The following CSMD1 variants were observed in gnomAD, a reference collection of about 807,000 sequenced individuals.
CSMD1 encodes CUB and Sushi multiple domains 1.
CSMD1 carries 213 observed loss-of-function variants against 417.5 expected under a neutral mutation model. That is an observed-to-expected ratio of 0.51 (90% CI 0.46 to 0.57). CSMD1 has a LOEUF of 0.57. CSMD1 is among the 20% of genes least tolerant of loss of function. CSMD1 has a pLI of 0.00. For synonymous variants in CSMD1, 2,862 were observed against 1,736.8 expected (o/e 1.65, Z -16.11); for missense variants, 6,923 against 4,529.7 (o/e 1.53, Z -15.17).
chr8:4,269,705 C>G (rs761014967), intron 3 of CSMD1, among the ~76,000 whole-genome samples: 7 of 152,126 alleles, frequency 4.6e-5, no homozygotes, highest in Non-Finnish European at 1.0e-4. Context: ...TATCAATTAA[C>G]CAGCATCTGT....
intron 54 of CSMD1, among the ~76,000 whole-genome samples, chr8:2,995,470 C>G (rs566372180): frequency 4.6e-5 from 7 of 152,164 alleles, no homozygotes; most frequent in Non-Finnish European, 1.0e-4. Flanking sequence ...TACCGCCATG[C>G]TGGAAAAATG....
intron 5 of CSMD1, among the ~76,000 whole-genome samples, chr8:3,909,283 C>G (rs1808301589): frequency 6.6e-6 from 1 of 152,118 alleles, no homozygotes; most frequent in African/African-American, 2.4e-5. Context: ...GGCACTTTCC[C>G]TCATTGAAGT....
intron 1 of CSMD1, among the ~76,000 whole-genome samples, chr8:4,925,318 G>A (rs1311762457): frequency 6.9e-6 from 1 of 145,874 alleles, no homozygotes; most frequent in South Asian, 2.2e-4. Context: ...ACAAGTAGGT[G>A]GTCTTTGACG....
At chr8:3,343,475 C>T (rs547988138) in intron 22 of CSMD1, 25 bp from the exon 23 acceptor site, 8 of 1,593,442 alleles carry the variant, frequency 5.0e-6, no homozygotes, top group Admixed American at 3.5e-5. Flanking sequence ...CAGCATGAGT[C>T]CCTCTATGCC....
At chr8:3,245,664 TC>T (rs1404995514) in intron 26 of CSMD1, among the ~76,000 whole-genome samples, 3 of 152,150 alleles carry the variant, frequency 2.0e-5, no homozygotes, top group Non-Finnish European at 4.4e-5. Flanking sequence ...CAAAACGGCC[TC>T]CTTTCATAAG....
chr8:3,964,324 T>C (rs2627480), intron 5 of CSMD1, among the ~76,000 whole-genome samples: 21,837 of 152,184 alleles, frequency 0.14, 1,702 homozygotes, highest in African/African-American at 0.2. Flanking sequence ...ATAAGTCTCA[T>C]TGTGTCACCG....
chr8:4,005,053 C>T (rs934822745), intron 4 of CSMD1, among the ~76,000 whole-genome samples: 2 of 152,138 alleles, frequency 1.3e-5, no homozygotes, highest in African/African-American at 2.4e-5. Context: ...AACCAAACAT[C>T]CTATGTTCTC....
intron 2 of CSMD1, among the ~76,000 whole-genome samples, chr8:4,566,358 T>C (rs986168198): frequency 3.3e-5 from 5 of 151,942 alleles, no homozygotes; most frequent in Admixed American, 1.3e-4. Flanking sequence ...AAATGGTTTA[T>C]AAGAAATTTA....
chr8:3,082,929 C>G (rs548076636), intron 49 of CSMD1, among the ~76,000 whole-genome samples: 1 of 152,056 alleles, frequency 6.6e-6, no homozygotes, highest in African/African-American at 2.4e-5. Context: ...TGAACATCTG[C>G]GGGAAAAATA....
intron 3 of CSMD1, among the ~76,000 whole-genome samples, chr8:4,272,143 T>A (rs1224255152): frequency 6.6e-6 from 1 of 152,162 alleles, no homozygotes; most frequent in South Asian, 2.1e-4. Flanking sequence ...ACATGGAGTC[T>A]TACTAGATTA....
chr8:4,116,453 C>T (rs1802153080), intron 3 of CSMD1, among the ~76,000 whole-genome samples: 1 of 131,078 alleles, frequency 7.6e-6, no homozygotes, highest in Non-Finnish European at 1.6e-5. Flanking sequence ...GTGCAGGTGC[C>T]TGAATGGAAC....
chr8:4,981,825 T>C (rs1453402339), intron 1 of CSMD1, among the ~76,000 whole-genome samples: 1 of 152,128 alleles, frequency 6.6e-6, no homozygotes. Flanking sequence ...TGTGATTATG[T>C]GTACAGGATT....
At chr8:3,140,065 G>A (rs2406581) in intron 41 of CSMD1, among the ~76,000 whole-genome samples, 7,564 of 151,838 alleles carry the variant, frequency 0.05, 627 homozygotes, top group African/African-American at 0.17. Context: ...ATCATGTGCC[G>A]GCTAATTTTG....
Position 3,369,247 on chromosome 8 carries a change from T to G in CSMD1, c.2899+7A>C. On this transcript the variant is annotated splice_region_variant and intron_variant, in intron 19 of 69. Coordinates refer to ENST00000635120, the MANE Select transcript of CSMD1 (RefSeq NM_033225.6). ...CTGTATGTTTGAGACCTATGATAGATTCTTACCTTTCCCATGAGACACTTC... is the reference window on the plus strand; with the variant it reads ...CTGTATGTTTGAGACCTATGATAGAGTCTTACCTTTCCCATGAGACACTTC... 7.2e-7 allele frequency: 1 copy of G among 1,388,154 alleles called. No individual in the cohort carries two copies. Among genetic ancestry groups the G allele is most frequent in the South Asian group, 1.2e-5 (1 of 84,740 alleles). 86.0% of individuals were successfully genotyped at this position (1,388,154 alleles called of 1,614,324 possible). A position where few individuals can be genotyped will look rare whatever the true frequency, so the allele number is the denominator to read the frequency against.
intron 7 of CSMD1, among the ~76,000 whole-genome samples, chr8:3,624,155 G>A (rs778625452): frequency 6.6e-6 from 1 of 152,012 alleles, no homozygotes; most frequent in African/African-American, 2.4e-5. Context: ...AAAATACACT[G>A]AGCATCCAAA....
intron 3 of CSMD1, among the ~76,000 whole-genome samples, chr8:4,069,536 C>A: frequency 6.6e-6 from 1 of 152,172 alleles, no homozygotes; most frequent in Non-Finnish European, 1.5e-5. Context: ...TTGTTCTTAC[C>A]ACCCTCCCTC....
Position 2,949,310 on chromosome 8 carries a change from A to G in CSMD1, c.10391T>C (p.Leu3464Pro). The part of the protein sequence containing the change: ...IHGKDFGKFK[L>P]ERQDPLNPDQ... ...TAAGTGCAACTTACCTTGCCTTTCTAGCTTAAATTTTCCAAAGTCTTTTCC... is the reference window on the plus strand; with the variant it reads ...TAAGTGCAACTTACCTTGCCTTTCTGGCTTAAATTTTCCAAAGTCTTTTCC... Residue 3464 changes from leucine to proline, a missense_variant, in exon 68 of 70, where the codon CTA becomes CCA. Transcript: ENST00000635120. The G allele has an allele frequency of 6.3e-7, 1 of 1,598,208 alleles. No homozygotes were observed. The highest frequency in any genetic ancestry group is 8.6e-7 in the Non-Finnish European group (1 of 1,167,640).
intron 1 of CSMD1, among the ~76,000 whole-genome samples, chr8:4,661,219 C>T (rs1804585627): frequency 6.6e-6 from 1 of 152,138 alleles, no homozygotes; most frequent in Non-Finnish European, 1.5e-5. Context: ...GCCCAGATGT[C>T]CTTTAATGAG....
chr8:3,929,873 G>A (rs948711780), intron 5 of CSMD1, among the ~76,000 whole-genome samples: 10 of 149,792 alleles, frequency 6.7e-5, no homozygotes, highest in Non-Finnish European at 8.9e-5. Context: ...TATTGGTCCC[G>A]CTCATCTCCA....
Sources: allele counts gnomAD v4.1 joint callset (sites outside exome capture counted in the v4.1 genomes callset), GRCh38; gene constraint gnomAD v4.1.1; transcripts MANE v1.5; gene names NCBI Gene and HGNC (gene_info 2026-07-23, HGNC 2026-07-21).